RAD51B: variants seen among roughly 807,000 people sequenced by gnomAD.
The protein encoded by RAD51B is DNA repair protein RAD51 homolog 2.
RAD51B carries 38 observed loss-of-function variants against 42.2 expected under a neutral mutation model. That is an observed-to-expected ratio of 0.90 (90% CI 0.70 to 1.18). RAD51B has a LOEUF of 1.18. Ranked by LOEUF, RAD51B falls within the 50% of genes most tolerant of loss-of-function variation. The pLI, the probability that RAD51B is intolerant of heterozygous loss-of-function variation, is 0.00. For synonymous variants in RAD51B, 154 were observed against 145.2 expected (o/e 1.06, Z -0.43); for missense variants, 373 against 400.7 (o/e 0.93, Z 0.59).
intron 7 of RAD51B, among the ~76,000 whole-genome samples, chr14:68,172,334 A>C (rs2078889258): frequency 6.6e-6 from 1 of 152,228 alleles, no homozygotes; most frequent in Non-Finnish European, 1.5e-5. Context: ...TTAACCTCTG[A>C]CCACATTGCA....
intron 7 of RAD51B, among the ~76,000 whole-genome samples, chr14:68,030,453 A>G (rs967016656): frequency 6.6e-6 from 1 of 152,164 alleles, no homozygotes; most frequent in African/African-American, 2.4e-5. Context: ...ATGGAATGGA[A>G]CGGCTTCTTT....
intron 9 of RAD51B, among the ~76,000 whole-genome samples, chr14:68,425,523 G>A (rs2140118551): frequency 6.6e-6 from 1 of 152,294 alleles, no homozygotes; most frequent in Non-Finnish European, 1.5e-5. Flanking sequence ...CCCTCTCTTT[G>A]CCCTTCCACC....
intron 7 of RAD51B, among the ~76,000 whole-genome samples, chr14:68,279,100 G>T (rs1278775492): frequency 6.6e-6 from 1 of 152,192 alleles, no homozygotes; most frequent in Non-Finnish European, 1.5e-5. Context: ...AAACCAACAA[G>T]GAGTTGAGAC....
chr14:67,882,547 C>T (rs904143831), intron 5 of RAD51B, among the ~76,000 whole-genome samples: 6 of 152,242 alleles, frequency 3.9e-5, no homozygotes, highest in African/African-American at 9.6e-5. Context: ...TATTCATTTG[C>T]GTAATGACAT....
chr14:68,325,891 C>T (rs1172339816), intron 8 of RAD51B, among the ~76,000 whole-genome samples: 3 of 151,970 alleles, frequency 2.0e-5, no homozygotes, highest in African/African-American at 7.3e-5. Context: ...TTTAATGGCT[C>T]TCTACTAAGT....
At chr14:67,938,523 C>T (rs2045039406) in intron 7 of RAD51B, among the ~76,000 whole-genome samples, 1 of 152,164 alleles carries the variant, frequency 6.6e-6, no homozygotes, top group African/African-American at 2.4e-5. Flanking sequence ...TAGGCCTATC[C>T]TTTAGAACAT....
intron 7 of RAD51B, among the ~76,000 whole-genome samples, chr14:68,224,910 C>G (rs888358868): frequency 6.6e-6 from 1 of 152,100 alleles, no homozygotes; most frequent in African/African-American, 2.4e-5. Context: ...CCAGGCTGGT[C>G]TTGAACTCCT....
At chr14:68,224,272 T>A (rs1002692383) in intron 7 of RAD51B, among the ~76,000 whole-genome samples, 5 of 152,256 alleles carry the variant, frequency 3.3e-5, no homozygotes, top group African/African-American at 1.2e-4. Context: ...AATTCTTGGA[T>A]AACTTTTCAA....
At chr14:68,436,533 A>G (rs1441409909) in intron 9 of RAD51B, among the ~76,000 whole-genome samples, 1 of 152,000 alleles carries the variant, frequency 6.6e-6, no homozygotes, top group African/African-American at 2.4e-5. Context: ...GAATTTTAGG[A>G]CAGTTTTTTG....
At chr14:67,823,487 A>G in intron 1 of RAD51B, 55 bp from the exon 2 acceptor site, 1 of 1,480,636 alleles carries the variant, frequency 6.8e-7, no homozygotes, top group African/African-American at 1.4e-5. Flanking sequence ...ACTATCACTT[A>G]TGTTATATTC....
At chr14:68,599,365 G>A (rs1891130351), downstream of RAD51B, among the ~76,000 whole-genome samples, 1 of 152,188 alleles carries the variant, frequency 6.6e-6, no homozygotes, top group African/African-American at 2.4e-5. Context: ...GTTGCGCAAG[G>A]TGGAAATCTG....
chr14:68,278,035 G>A (rs370507415), intron 7 of RAD51B, among the ~76,000 whole-genome samples: 24 of 152,314 alleles, frequency 1.6e-4, no homozygotes, highest in East Asian at 1.2e-3. Context: ...GAGCCACTGC[G>A]ACCAGCCAGA....
chr14:67,862,895 A>G (rs2042208493), intron 4 of RAD51B, among the ~76,000 whole-genome samples: 1 of 152,056 alleles, frequency 6.6e-6, no homozygotes, highest in South Asian at 2.1e-4. Flanking sequence ...TGTGTGTTTT[A>G]TACTCTATAG....
chr14:68,006,000 T>G (rs957891578), intron 7 of RAD51B, among the ~76,000 whole-genome samples: 1 of 152,124 alleles, frequency 6.6e-6, no homozygotes, highest in African/African-American at 2.4e-5. Flanking sequence ...ATAACACTTT[T>G]AAACAACCAG....
intron 7 of RAD51B, among the ~76,000 whole-genome samples, chr14:68,196,633 G>C (rs1049881857): frequency 6.6e-6 from 1 of 151,826 alleles, no homozygotes; most frequent in African/African-American, 2.4e-5. Context: ...TTTATTCACT[G>C]TATTTATTAT....
intron 4 of RAD51B, among the ~76,000 whole-genome samples, chr14:67,863,608 AT>A (rs796947194): frequency 4.0e-5 from 6 of 150,416 alleles, no homozygotes; most frequent in Non-Finnish European, 7.4e-5. Flanking sequence ...CCTCTCTTAG[AT>A]TTTTTTTTCT....
chr14:68,554,282 C>T (rs373843817), intron 10 of RAD51B, among the ~76,000 whole-genome samples: 4 of 152,310 alleles, frequency 2.6e-5, no homozygotes, highest in Admixed American at 6.5e-5. Flanking sequence ...CACCTGTGAC[C>T]TTGACCTCCT....
intron 7 of RAD51B, among the ~76,000 whole-genome samples, chr14:68,017,547 A>G (rs796582201): frequency 1.4e-4 from 22 of 152,318 alleles, no homozygotes; most frequent in African/African-American, 5.3e-4. Flanking sequence ...CCAATAGAGC[A>G]TATACCAATT....
At chr14:68,370,293 C>A (rs1185327491) in intron 8 of RAD51B, among the ~76,000 whole-genome samples, 1 of 152,146 alleles carries the variant, frequency 6.6e-6, no homozygotes, top group African/African-American at 2.4e-5. Flanking sequence ...AAACTCTTTA[C>A]CAAAGGGCAA....
Sources: allele counts gnomAD v4.1 joint callset (sites outside exome capture counted in the v4.1 genomes callset), GRCh38; gene constraint gnomAD v4.1.1; transcripts MANE v1.5; gene names NCBI Gene and HGNC (gene_info 2026-07-23, HGNC 2026-07-21).